MOV10: variants seen among roughly 807,000 people sequenced by gnomAD.
MOV10 encodes the protein Mov10 RNA helicase, also known as RNA helicase MOV-10.
MOV10 carries 39 observed loss-of-function variants against 108.4 expected under a neutral mutation model. That is an observed-to-expected ratio of 0.36 (90% CI 0.28 to 0.47). The LOEUF (loss-of-function observed/expected upper bound fraction) is 0.47, where lower values mean the gene tolerates loss of function less well. MOV10 is among the 20% of genes least tolerant of loss of function. The probability of loss-of-function intolerance (pLI) is 1.00; values close to 1 mark genes in which losing one functional copy is unlikely to be tolerated. For missense variants in MOV10, 952 were observed against 1,297.6 expected (o/e 0.73, Z 4.09); for synonymous variants, 490 against 523.1 (o/e 0.94, Z 0.86).
At chr1:112,676,704 G>C (rs966677358) in intron 2 of MOV10, among the ~76,000 whole-genome samples, 1 of 152,164 alleles carries the variant, frequency 6.6e-6, no homozygotes, top group Non-Finnish European at 1.5e-5. Flanking sequence ...CATCAAAGGC[G>C]GGAATGAGGA....
At chr1:112,688,773 G>C in intron 2 of MOV10, 162 bp from the exon 3 acceptor site, 6 of 1,455,918 alleles carry the variant, frequency 4.1e-6, no homozygotes, top group Non-Finnish European at 5.4e-6. Flanking sequence ...ACATTCCTCC[G>C]ATCCCCAGCC....
rs1674550127 is a variant in MOV10 at position 112,700,478 on chromosome 1, G to A, written c.2983G>A (p.Val995Met). The part of the protein sequence containing the change: ...REGEGGLSLQ[V>M]EPEWRNEL Reference sequence around the variant, plus strand: ...GGGTGAAGGGGGCCTGTCTCTGCAAGTGGAGCCAGAGTGGAGGAATGAGCT... The same window carrying A: ...GGGTGAAGGGGGCCTGTCTCTGCAAATGGAGCCAGAGTGGAGGAATGAGCT... The change falls in exon 21 of 21, where the codon GTG becomes ATG. Residue 995 changes from valine (V) to methionine (M), a missense_variant. Physicochemically the swap from Val to Met is conservative, Grantham distance 21. This residue lies in a region of MOV10 where 42 missense variants were observed against 36.5 expected (regional missense o/e 1.15). Transcript: ENST00000369645. 3.7e-6 allele frequency: 6 copies of A among 1,613,800 alleles called. No individual in the cohort carries two copies. Among genetic ancestry groups the A allele is most frequent in the Admixed American group, 1.7e-5 (1 of 59,960 alleles).
At chr1:112,690,238 C>A in intron 5 of MOV10, 140 bp downstream of exon 5, 1 of 1,141,210 alleles carries the variant, frequency 8.8e-7, no homozygotes, top group Non-Finnish European at 1.2e-6. Context: ...GAGAATTTTT[C>A]TGTCAAGGAA....
Position 112,674,983 on chromosome 1 carries a change from G to A in MOV10, c.71G>A (p.Arg24Gln), listed in dbSNP as rs749178705. 1.9e-6 allele frequency: 3 copies of A among 1,582,886 alleles called. No individual in the cohort carries two copies. Among genetic ancestry groups the A allele is most frequent in the Non-Finnish European group, 2.6e-6 (3 of 1,165,750 alleles). ...GQCFESFLVV[R>Q]GLDMETDRER... ...TGTTTCGAGAGTTTCCTGGTCGTTC[G>A]GGGACTGGACATGGAGACAGATCGC... Residue 24 changes from arginine (R) to glutamine (Q), a missense_variant, in exon 2 of 21, where the codon CGG becomes CAG. Transcript: ENST00000369645.
intron 10 of MOV10, among the ~76,000 whole-genome samples, 164 bp from the exon 11 acceptor site, chr1:112,695,252 G>A (rs1673965252): frequency 6.6e-6 from 1 of 152,202 alleles, no homozygotes; most frequent in Non-Finnish European, 1.5e-5. Flanking sequence ...GAAGTGGGAA[G>A]TTAGGGTAAA....
At chr1:112,690,661 A>G (rs749379656) in intron 5 of MOV10, among the ~76,000 whole-genome samples, 2 of 152,108 alleles carry the variant, frequency 1.3e-5, no homozygotes, top group African/African-American at 2.4e-5. Flanking sequence ...TGCCCAGCCA[A>G]CATCTCTGTT....
intron 2 of MOV10, among the ~76,000 whole-genome samples, chr1:112,680,789 A>G (rs1418423656): frequency 1.6e-5 from 2 of 125,482 alleles, no homozygotes; most frequent in African/African-American, 6.2e-5. Flanking sequence ...TGCAACCTCC[A>G]CCTCTCGGGT....
At chr1:112,677,433 G>T (rs950961177) in intron 2 of MOV10, among the ~76,000 whole-genome samples, 1 of 151,302 alleles carries the variant, frequency 6.6e-6, no homozygotes, top group Non-Finnish European at 1.5e-5. Flanking sequence ...CTGGAATGCT[G>T]TGAAGTCAAC....
rs1253418058 is a variant in MOV10, at chr1:112,694,861, G to C, written c.1585G>C (p.Gly529Arg). 6.2e-7 allele frequency: 1 copy of C among 1,614,022 alleles called. No homozygotes were observed. The highest frequency in any genetic ancestry group is 1.3e-5 in the African/African-American group (1 of 75,026). The change falls in exon 10 of 21, where the codon GGC (glycine) becomes CGC (arginine). Residue 529 changes from glycine (G) to arginine (R), a missense_variant. Around this residue, in one of 5 missense-constraint regions of MOV10, gnomAD observed 453 missense variants for 611.5 expected, o/e 0.74. Coordinates refer to ENST00000369645, the MANE Select transcript of MOV10 (RefSeq NM_001321324.2). The surrounding 1 kb of genome is among the most constrained non-coding windows in gnomAD (Gnocchi z 4.1). ...PYIIFGPPGT[G>R]KTVTLVEAIK... is the part of the protein sequence containing the mutation. ...CATCATCTTTGGGCCTCCAGGCACC[G>C]GCAAGACTGTCACGTTAGTGGAGGC...
chr1:112,691,012 C>G (rs943098520), intron 5 of MOV10, among the ~76,000 whole-genome samples: 2 of 152,178 alleles, frequency 1.3e-5, no homozygotes, highest in South Asian at 4.1e-4. Context: ...GGTGTGGTGG[C>G]TCACACCTGT....
chr1:112,695,995 T>C (rs1387809539), intron 11 of MOV10, among the ~76,000 whole-genome samples, 153 bp from the exon 12 acceptor site: 1 of 151,928 alleles, frequency 6.6e-6, no homozygotes, highest in African/African-American at 2.4e-5. Context: ...TGGGCCAAGA[T>C]CACACCATGG....
intron 2 of MOV10, chr1:112,688,231 C>T (rs896895996): frequency 1.7e-5 from 7 of 418,600 alleles, no homozygotes; most frequent in South Asian, 1.0e-4. Context: ...AACAGGCCTC[C>T]GTAAGTGTTT....
At position 112,691,804 on chromosome 1, in the gene MOV10, G is replaced by C; in HGVS notation, c.971+5G>C. 1 of 1,611,520 alleles carries C rather than the reference G, an allele frequency of 6.2e-7. No individual in the cohort carries two copies. The highest frequency in any genetic ancestry group is 8.5e-7 in the Non-Finnish European group (1 of 1,177,870). ...TAAGGAGATCGCAGAGATCAAGTAAGTACCATCCCTCTGCACCCCGCACTC... is the reference window on the plus strand; with the variant it reads ...TAAGGAGATCGCAGAGATCAAGTAACTACCATCCCTCTGCACCCCGCACTC... On this transcript the variant is annotated splice_donor_5th_base_variant and intron_variant, in intron 6 of 20. Transcript: ENST00000369645.
At chr1:112,691,371 GA>G (rs1206502915) in intron 5 of MOV10, among the ~76,000 whole-genome samples, 1 of 152,112 alleles carries the variant, frequency 6.6e-6, no homozygotes, top group African/African-American at 2.4e-5. Flanking sequence ...AACTTACAGG[GA>G]AAAAAGTCTG....
At chr1:112,699,346 A>C in intron 17 of MOV10, 319 of 489,740 alleles carry the variant, frequency 6.5e-4, no homozygotes, top group Non-Finnish European at 8.4e-4. Flanking sequence ...GGTCCGGGTT[A>C]GGGCCCAGGG....
At position 112,688,416 on chromosome 1, in the gene MOV10, C is replaced by G. The variant is rs902436325; in HGVS notation, c.138-519C>G. 49 of 997,252 alleles carry G rather than the reference C, an allele frequency of 4.9e-5. No homozygotes were observed. The African/African-American group carries it at 8.3e-4, about 17-fold the overall frequency. 61.8% of individuals were successfully genotyped at this position (997,252 alleles called of 1,614,324 possible). A position where few individuals can be genotyped will look rare whatever the true frequency, so the allele number is the denominator to read the frequency against. On this transcript the variant is annotated intron_variant, in intron 2 of 20. Transcript: ENST00000369645. Reference sequence around the variant, plus strand: ...TGCACCCTATGACTTCGGGTGGAAACTGCTGTCTGATCAGCCACCTTGCCC... The same window carrying G: ...TGCACCCTATGACTTCGGGTGGAAAGTGCTGTCTGATCAGCCACCTTGCCC...
intron 15 of MOV10, 75 bp from the exon 16 acceptor site, chr1:112,698,212 T>G (rs773102438): frequency 2.9e-4 from 458 of 1,599,468 alleles, no homozygotes; most frequent in Non-Finnish European, 3.8e-4. Context: ...TCTCTTACTC[T>G]CTGGAAGGGT....
intron 3 of MOV10, 98 bp downstream of exon 3, chr1:112,689,236 A>T: frequency 7.4e-7 from 1 of 1,346,918 alleles, no homozygotes; most frequent in East Asian, 2.5e-5. Context: ...ACAAGTGGGA[A>T]TAAGTCCCCC....
intron 5 of MOV10, 36 bp downstream of exon 5, chr1:112,690,134 C>CAGG: frequency 6.2e-7 from 1 of 1,603,580 alleles, no homozygotes; most frequent in Non-Finnish European, 8.5e-7. Flanking sequence ...TGGCTGGGCT[C>CAGG]GTATCTCAAC....
Sources: allele counts gnomAD v4.1 joint callset (sites outside exome capture counted in the v4.1 genomes callset), GRCh38; gene constraint gnomAD v4.1.1; regional missense constraint gnomAD v4.1.1; non-coding constraint Gnocchi (gnomAD v3.1); transcripts MANE v1.5; gene names NCBI Gene and HGNC (gene_info 2026-07-23, HGNC 2026-07-21).